The following DHX57 variants were observed in gnomAD, a reference collection of about 807,000 sequenced individuals.
The protein encoded by DHX57 is DExH-box helicase 57.
A neutral mutation model predicts 156.2 loss-of-function variants in DHX57; 105 were observed. That is an observed-to-expected ratio of 0.67 (90% CI 0.57 to 0.79). The LOEUF is 0.79. Among genes scored for constraint, DHX57 ranks in the 30% least tolerant of loss-of-function variants. The pLI is 0.00. For synonymous variants in DHX57, 704 were observed against 595.6 expected (o/e 1.18, Z -2.65); for missense variants, 1,847 against 1,661.9 (o/e 1.11, Z -1.94).
chr2:38,814,244 T>C (rs1196216363), intron 20 of DHX57, among the ~76,000 whole-genome samples: 1 of 152,204 alleles, frequency 6.6e-6, no homozygotes, highest in East Asian at 1.9e-4. Flanking sequence ...GGCTCTAATA[T>C]GGCTATTTCT....
chr2:38,829,726 T>C (rs1033768925), intron 13 of DHX57, among the ~76,000 whole-genome samples: 3 of 152,176 alleles, frequency 2.0e-5, no homozygotes, highest in African/African-American at 4.8e-5. Context: ...ACCTTGACAT[T>C]CTATTTCTAT....
At chr2:38,862,361 A>C (rs1165932585) in intron 3 of DHX57, 28 bp from the exon 4 acceptor site, 1 of 1,491,562 alleles carries the variant, frequency 6.7e-7, no homozygotes, top group South Asian at 1.4e-5. Flanking sequence ...TTCATATATT[A>C]GATATTACTT....
At chr2:38,871,014 A>C (rs1466537087) in intron 1 of DHX57, among the ~76,000 whole-genome samples, 41 of 152,216 alleles carry the variant, frequency 2.7e-4, no homozygotes, top group South Asian at 2.1e-4. Flanking sequence ...TTTGTTGTCA[A>C]TAGACCCGCC....
At chr2:38,868,139 T>G (rs1665172135) in intron 2 of DHX57, 43 bp downstream of exon 2, 2 of 1,604,596 alleles carry the variant, frequency 1.2e-6, no homozygotes, top group East Asian at 4.5e-5. Context: ...CATTAGGGGT[T>G]GATACCATTT....
At chr2:38,832,259 G>A (rs189298843) in intron 13 of DHX57, among the ~76,000 whole-genome samples, 1 of 151,992 alleles carries the variant, frequency 6.6e-6, no homozygotes, top group Non-Finnish European at 1.5e-5. Flanking sequence ...GGCCAACACT[G>A]TGAAACCCCG....
chr2:38,832,179 G>A (rs1035638430), intron 13 of DHX57, among the ~76,000 whole-genome samples: 2 of 152,104 alleles, frequency 1.3e-5, no homozygotes, highest in South Asian at 2.1e-4. Flanking sequence ...AGTGGCTCAC[G>A]CCTGTAGTCC....
chr2:38,839,733 A>AT (rs1259150160), intron 12 of DHX57, among the ~76,000 whole-genome samples: 1 of 151,618 alleles, frequency 6.6e-6, no homozygotes, highest in East Asian at 1.9e-4. Context: ...AAAAAAAAAA[A>AT]GGAGTTTTGA....
At position 38,798,351 on chromosome 2, in the gene DHX57, G is replaced by C; in HGVS notation, c.4109C>G (p.Pro1370Arg). 1 of 1,613,756 alleles carries C rather than the reference G, an allele frequency of 6.2e-7. No individual in the cohort carries two copies. The highest frequency in any genetic ancestry group is 8.5e-7 in the Non-Finnish European group (1 of 1,179,906). Residue 1370 changes from proline (P) to arginine (R), a missense_variant, in exon 24 of 24, where the codon CCT (proline) becomes CGT (arginine). By Grantham distance (103) the Pro-to-Arg change is moderately radical. Coordinates refer to ENST00000457308, the MANE Select transcript of DHX57 (RefSeq NM_198963.3). ...KNPSIDLCTC[P>R]RGSRIISTIV... ...TGTGCTGATGATCCGGGATCCTCGA[G>C]GACACGTACACAGATCAATGCTTGG...
chr2:38,868,123 C>A (rs1345148444), intron 2 of DHX57, 59 bp downstream of exon 2: 3 of 1,583,472 alleles, frequency 1.9e-6, no homozygotes, highest in East Asian at 4.5e-5. Flanking sequence ...CATCTGTTGT[C>A]CCATACATTA....
chr2:38,833,884 A>C (rs1333424708), intron 13 of DHX57, among the ~76,000 whole-genome samples: 2 of 152,240 alleles, frequency 1.3e-5, no homozygotes, highest in East Asian at 1.9e-4. Context: ...CATAAGACAT[A>C]TATAGATACT....
At chr2:38,828,479 C>T (rs753878623) in intron 13 of DHX57, 43 bp from the exon 14 acceptor site, 3 of 1,415,810 alleles carry the variant, frequency 2.1e-6, no homozygotes, top group Non-Finnish European at 1.9e-6. Context: ...AGCATAGGCA[C>T]AGAAAAGAAA....
At chr2:38,870,360 A>G in intron 1 of DHX57, among the ~76,000 whole-genome samples, 1 of 152,270 alleles carries the variant, frequency 6.6e-6, no homozygotes, top group East Asian at 1.9e-4. Flanking sequence ...TACATGCAGG[A>G]AGCTCAATGG....
At chr2:38,799,750 CAAAAA>C (rs34097778) in intron 23 of DHX57, among the ~76,000 whole-genome samples, 1 of 99,114 alleles carries the variant, frequency 1.0e-5, no homozygotes. Flanking sequence ...AACTCCATCT[CAAAAA>C]AAAAAAAAAA....
intron 11 of DHX57, among the ~76,000 whole-genome samples, chr2:38,845,509 G>A (rs537069043): frequency 2.0e-5 from 3 of 152,236 alleles, no homozygotes; most frequent in African/African-American, 4.8e-5. Flanking sequence ...ATTCTGACTT[G>A]TATTTAAGCT....
At position 38,861,044 on chromosome 2, in the gene DHX57, T is replaced by C. The variant is rs1190068505; in HGVS notation, c.1366A>G (p.Thr456Ala). 2 of 1,614,100 alleles carry C rather than the reference T, an allele frequency of 1.2e-6. No homozygotes were observed. Among genetic ancestry groups the C allele is most frequent in the South Asian group, 1.1e-5 (1 of 91,060 alleles). Residue 456 changes from threonine to alanine, a missense_variant, in exon 5 of 24, where the codon ACA becomes GCA. Transcript: ENST00000457308. ...ACAAAAGAATTATTTGGAATCACTG[T>C]TTTATGACAGGCAGGATTATTTATT... ...TRINNPACHK[T>A]VIPNNSFVSN...
At chr2:38,825,412 C>T (rs919939874) in intron 16 of DHX57, among the ~76,000 whole-genome samples, 15 of 152,174 alleles carry the variant, frequency 9.9e-5, no homozygotes, top group Admixed American at 9.2e-4. Context: ...AAGAGATTCT[C>T]CTTCCTCAGC....
intron 21 of DHX57, 74 bp downstream of exon 21, chr2:38,813,747 G>T (rs775654916): frequency 6.8e-7 from 1 of 1,481,344 alleles, no homozygotes; most frequent in Non-Finnish European, 9.4e-7. Flanking sequence ...TGATTAATAT[G>T]CACATCTTAA....
chr2:38,835,163 G>A (rs1347985709), intron 13 of DHX57, among the ~76,000 whole-genome samples: 1 of 152,162 alleles, frequency 6.6e-6, no homozygotes, highest in Non-Finnish European at 1.5e-5. Flanking sequence ...AAATGTATCT[G>A]CCTGAAAAGG....
chr2:38,846,332 G>A (rs1021991157), intron 11 of DHX57, among the ~76,000 whole-genome samples: 5 of 152,100 alleles, frequency 3.3e-5, no homozygotes, highest in African/African-American at 1.2e-4. Context: ...GTTATAGTAA[G>A]TAGAGGGGGC....
Sources: gnomAD v4.1 joint callset for allele counts (sites outside exome capture counted in the v4.1 genomes callset) on GRCh38, gnomAD v4.1.1 for gene constraint, MANE v1.5 for transcripts, NCBI Gene and HGNC (gene_info 2026-07-23, HGNC 2026-07-21) for gene names.